IMMT: variants seen among roughly 807,000 people sequenced by gnomAD.
IMMT encodes inner membrane mitochondrial protein.
A neutral mutation model predicts 92.7 loss-of-function variants in IMMT; 40 were observed. That is an observed-to-expected ratio of 0.43 (90% CI 0.34 to 0.56). The LOEUF (loss-of-function observed/expected upper bound fraction) is 0.56. Ranked by LOEUF, IMMT falls within the 20% of genes least tolerant of loss-of-function variation. The pLI is 0.03. For synonymous variants in IMMT, 322 were observed against 336.1 expected, an observed-to-expected ratio of 0.96 and a Z score of 0.46; for missense variants, 831 against 912.1, an observed-to-expected ratio of 0.91 and a Z score of 1.14.
chr2:86,165,128 T>C (rs1409871723), intron 7 of IMMT, among the ~76,000 whole-genome samples: 1 of 152,234 alleles, frequency 6.6e-6, no homozygotes, highest in East Asian at 1.9e-4. Flanking sequence ...TTTTACACTG[T>C]CTAATCACCA....
intron 7 of IMMT, among the ~76,000 whole-genome samples, chr2:86,164,448 T>C (rs188462449): frequency 1.3e-4 from 19 of 151,484 alleles, no homozygotes; most frequent in African/African-American, 3.6e-4. Flanking sequence ...CCAGCACTTT[T>C]GGGAGGTGGA....
In IMMT at chr2:86,170,784, G is replaced by T; in HGVS notation, c.620C>A (p.Ala207Glu). The T allele has an allele frequency of 6.3e-7, 1 of 1,589,158 alleles. No individual in the cohort carries two copies. ...RPPEEVAARL[A>E]QQEKQEQVKI... ...AACTTGTTCTTGTTTTTCCTGTTGT[G>T]CAAGGCGAGCTGCAACTTCTTCAGG... The change falls in exon 6 of 15, where the codon GCA (alanine) becomes GAA (glutamate). Residue 207 changes from alanine (A) to glutamate (E), a missense_variant. Coordinates refer to ENST00000410111, the MANE Select transcript of IMMT (RefSeq NM_006839.3).
intron 10 of IMMT, among the ~76,000 whole-genome samples, chr2:86,156,729 A>T (rs897334546): frequency 6.6e-6 from 1 of 152,188 alleles, no homozygotes; most frequent in African/African-American, 2.4e-5. Flanking sequence ...ACAGAATGCA[A>T]ATTCTTAGGG....
chr2:86,158,829 G>A (rs1676056621), intron 9 of IMMT, 108 bp from the exon 10 acceptor site: 2 of 920,922 alleles, frequency 2.2e-6, no homozygotes, highest in Non-Finnish European at 3.2e-6. Context: ...TTGGAAATGT[G>A]TAAGGAAATC....
intron 3 of IMMT, among the ~76,000 whole-genome samples, chr2:86,174,109 T>C (rs1018002102): frequency 6.6e-6 from 1 of 152,236 alleles, no homozygotes; most frequent in Admixed American, 6.5e-5. Flanking sequence ...AATCAAACTA[T>C]GATGTCTTCT....
chr2:86,171,628 A>C (rs1397210852), intron 4 of IMMT: 2 of 324,758 alleles, frequency 6.2e-6, no homozygotes, highest in Admixed American at 8.3e-5. Context: ...TTATAATAAT[A>C]ATATTAACAC....
chr2:86,193,056 C>T (rs950624861), intron 1 of IMMT: 2 of 153,010 alleles, frequency 1.3e-5, no homozygotes, highest in African/African-American at 4.9e-5. Context: ...CTATTCCCTC[C>T]TAGAGTAAAG....
chr2:86,164,742 A>C (rs1033418723), intron 7 of IMMT, among the ~76,000 whole-genome samples: 1 of 151,786 alleles, frequency 6.6e-6, no homozygotes, highest in African/African-American at 2.4e-5. Context: ...AACTGACCCA[A>C]ATAGAATTAC....
intron 14 of IMMT, 129 bp from the exon 15 acceptor site, chr2:86,145,010 A>G: frequency 9.4e-7 from 1 of 1,060,136 alleles, no homozygotes; most frequent in South Asian, 1.7e-5. Context: ...ACTTTCTTAC[A>G]ACCCCACCCC....
intron 6 of IMMT, among the ~76,000 whole-genome samples, chr2:86,167,470 G>GTTTT (rs1279903768): frequency 1.5e-5 from 1 of 67,442 alleles, no homozygotes; most frequent in Non-Finnish European, 3.4e-5. Context: ...ACCGTGCCCG[G>GTTTT]TTTTTTGTTT....
At chr2:86,179,913 C>T (rs998884380) in intron 2 of IMMT, among the ~76,000 whole-genome samples, 3 of 114,868 alleles carry the variant, frequency 2.6e-5, no homozygotes, top group African/African-American at 1.1e-4. Flanking sequence ...CCATCTCTAC[C>T]CACCACACCC....
intron 3 of IMMT, among the ~76,000 whole-genome samples, chr2:86,174,311 C>T (rs527760588): frequency 6.6e-6 from 1 of 152,308 alleles, no homozygotes; most frequent in African/African-American, 2.4e-5. Flanking sequence ...TTTAAGAGGG[C>T]TGCCAGATAT....
At chr2:86,171,533 A>T in intron 4 of IMMT, 188 bp from the exon 5 acceptor site, 1 of 573,248 alleles carries the variant, frequency 1.7e-6, no homozygotes. Context: ...ACTCACACAA[A>T]ATGGACAATG....
Position 86,151,531 on chromosome 2 carries a change from G to C in IMMT, c.1178-11C>G, listed in dbSNP as rs768813410. 3 of 1,585,136 alleles carry C rather than the reference G, an allele frequency of 1.9e-6. No homozygotes were observed. The highest frequency in any genetic ancestry group is 1.7e-5 in the Admixed American group (1 of 59,968). ...TAGAGAGCTTGTCAGCTAAGCAAAA[G>C]AGCATGTTAAAATATTAATGATGTC... is the stretch of plus-strand genomic sequence containing the variant. On this transcript the variant is annotated splice_polypyrimidine_tract_variant and intron_variant, in intron 11 of 14. Transcript: ENST00000410111.
At chr2:86,149,257 A>G (rs1675280868) in intron 12 of IMMT, among the ~76,000 whole-genome samples, 1 of 152,236 alleles carries the variant, frequency 6.6e-6, no homozygotes, top group African/African-American at 2.4e-5. Context: ...AACAGAGAGG[A>G]TAGAACAATG....
intron 1 of IMMT, among the ~76,000 whole-genome samples, chr2:86,182,862 T>G (rs574654054): frequency 6.7e-6 from 1 of 149,530 alleles, no homozygotes; most frequent in East Asian, 2.0e-4. Flanking sequence ...TCCACTCCCC[T>G]TAAAAAAAAA....
At chr2:86,181,795 A>C (rs1008428674) in intron 1 of IMMT, among the ~76,000 whole-genome samples, 1 of 152,148 alleles carries the variant, frequency 6.6e-6, no homozygotes, top group African/African-American at 2.4e-5. Context: ...CAGGATACAC[A>C]CTCAAGGGAC....
chr2:86,189,237 T>C (rs1012552059), intron 1 of IMMT, among the ~76,000 whole-genome samples: 34 of 151,930 alleles, frequency 2.2e-4, no homozygotes, highest in African/African-American at 8.0e-4. Context: ...TCCCATGTAA[T>C]GTTCTTTTTT....
At chr2:86,147,858 T>C (rs768352739) in intron 12 of IMMT, 25 bp from the exon 13 acceptor site, 50 of 1,608,656 alleles carry the variant, frequency 3.1e-5, no homozygotes, top group Non-Finnish European at 3.9e-5. Flanking sequence ...ATAGTAGTTA[T>C]TAGTTTTCAA....
Sources: gnomAD v4.1 joint callset for allele counts (sites outside exome capture counted in the v4.1 genomes callset) on GRCh38, gnomAD v4.1.1 for gene constraint, MANE v1.5 for transcripts, NCBI Gene and HGNC (gene_info 2026-07-23, HGNC 2026-07-21) for gene names.